The following GFRA1 variants were observed in gnomAD, a reference collection of about 807,000 sequenced individuals.
GFRA1 encodes the protein GDNF family receptor alpha-1.
In GFRA1, 16 loss-of-function variants were observed where a neutral mutation model predicts 51.6. The ratio of observed to expected loss-of-function variants is 0.31; its 90% confidence interval spans 0.21 to 0.47. The LOEUF (loss-of-function observed/expected upper bound fraction) is 0.47, where lower values mean the gene tolerates loss of function less well. GFRA1 is among the 20% of genes least tolerant of loss of function. GFRA1 has a pLI of 1.00. For synonymous variants in GFRA1, 270 were observed against 241.3 expected, an observed-to-expected ratio of 1.12 and a Z score of -1.10; for missense variants, 530 against 594.3, an observed-to-expected ratio of 0.89 and a Z score of 1.13.
At chr10:116,184,622 T>C (rs924828814) in intron 5 of GFRA1, among the ~76,000 whole-genome samples, 2 of 152,042 alleles carry the variant, frequency 1.3e-5, no homozygotes, top group African/African-American at 2.4e-5. Context: ...GAGGTGGCAC[T>C]ACAGGTGGGC....
At chr10:116,071,583 G>A (rs995225551) in intron 9 of GFRA1, among the ~76,000 whole-genome samples, 1 of 152,182 alleles carries the variant, frequency 6.6e-6, no homozygotes, top group African/African-American at 2.4e-5. Flanking sequence ...CCTTGAAGCT[G>A]ACAGACAGGC....
intron 6 of GFRA1, among the ~76,000 whole-genome samples, chr10:116,114,708 A>G (rs1461154326): frequency 6.6e-6 from 1 of 152,142 alleles, no homozygotes; most frequent in Non-Finnish European, 1.5e-5. Context: ...CACAAGTTCT[A>G]CTTCAAAGAT....
chr10:116,251,413 G>C (rs112259741), intron 4 of GFRA1, among the ~76,000 whole-genome samples: 11 of 152,144 alleles, frequency 7.2e-5, no homozygotes, highest in Non-Finnish European at 1.3e-4. Context: ...CGTAAGAGTG[G>C]GGGTGGATGT....
At chr10:116,240,458 A>G (rs1967265757) in intron 4 of GFRA1, among the ~76,000 whole-genome samples, 1 of 152,204 alleles carries the variant, frequency 6.6e-6, no homozygotes, top group African/African-American at 2.4e-5. Flanking sequence ...CACATTCGCA[A>G]AGAAGTATTT....
chr10:116,104,877 T>C (rs1039633998), intron 6 of GFRA1, among the ~76,000 whole-genome samples: 1 of 152,192 alleles, frequency 6.6e-6, no homozygotes, highest in African/African-American at 2.4e-5. Context: ...AGATCAGATG[T>C]CCCTGAACTG....
chr10:116,096,879 A>G (rs905085430), intron 6 of GFRA1, 115 bp from the exon 7 acceptor site: 14 of 215,752 alleles, frequency 6.5e-5, no homozygotes, highest in Non-Finnish European at 1.3e-4. Context: ...GCACACGCAC[A>G]CGCACACACA....
At chr10:116,119,341 G>A (rs1204784455) in intron 6 of GFRA1, among the ~76,000 whole-genome samples, 1 of 152,038 alleles carries the variant, frequency 6.6e-6, no homozygotes, top group Non-Finnish European at 1.5e-5. Flanking sequence ...GTGCAGGTGG[G>A]GCATATTAAA....
chr10:116,089,799 G>A lies in GFRA1; in HGVS notation c.1139C>T (p.Pro380Leu). 1 of 1,614,164 alleles carries A rather than the reference G, an allele frequency of 6.2e-7. No homozygotes were observed. Among genetic ancestry groups the A allele is most frequent in the Non-Finnish European group, 8.5e-7 (1 of 1,180,004 alleles). Residue 380 changes from proline (P) to leucine (L), a missense_variant, in exon 9 of 11, where the codon CCA (proline) becomes CTA (leucine). By Grantham distance (98) the Pro-to-Leu change is moderately conservative. Coordinates refer to ENST00000355422, the MANE Select transcript of GFRA1 (RefSeq NM_005264.8). ...GGGAATTTCATTCTCAGACCCTGCTGGCCCCAGGGGCTTGTTCTTAACCCG... is the reference window on the plus strand; with the variant it reads ...GGGAATTTCATTCTCAGACCCTGCTAGCCCCAGGGGCTTGTTCTTAACCCG... ...ALRVKNKPLG[P>L]AGSENEIPTH...
intron 5 of GFRA1, among the ~76,000 whole-genome samples, chr10:116,197,282 T>A (rs995830073): frequency 6.6e-6 from 1 of 152,070 alleles, no homozygotes; most frequent in Admixed American, 6.6e-5. Context: ...CCTGCTTTAC[T>A]CCTTCCACCA....
intron 4 of GFRA1, among the ~76,000 whole-genome samples, chr10:116,258,410 T>TGTTA (rs1555173827): frequency 2.7e-5 from 4 of 146,530 alleles, no homozygotes; most frequent in Admixed American, 2.1e-4. Context: ...AAATATATTA[T>TGTTA]ATTAATAAAA....
chr10:116,236,949 TAAGAACTTA>T (rs1366106509), intron 4 of GFRA1, among the ~76,000 whole-genome samples: 1 of 152,244 alleles, frequency 6.6e-6, no homozygotes, highest in African/African-American at 2.4e-5. Context: ...GGCCTTCAAA[TAAGAACTTA>T]AAGTGCATTA....
At chr10:116,078,722 C>T (rs1294158149) in intron 9 of GFRA1, among the ~76,000 whole-genome samples, 2 of 152,050 alleles carry the variant, frequency 1.3e-5, no homozygotes, top group South Asian at 2.1e-4. Context: ...AAAATAACAG[C>T]GGGTGCTAGA....
rs117716848 is a variant in GFRA1, at chr10:116,241,025, C to A, written c.418+28478G>T. ...TCTGCTCCAGACCTTAAGCTCTCAA[C>A]CAATGTACTAAAGTGCATAATAGAT... On this transcript the variant is annotated intron_variant, in intron 4 of 10. Coordinates refer to ENST00000355422, the MANE Select transcript of GFRA1 (RefSeq NM_005264.8). 3.6e-3 allele frequency among the ~76,000 whole-genome samples: 553 copies of A among 152,240 alleles called. 2 individuals are homozygous for A. The highest frequency in any genetic ancestry group is 6.6e-3 in the Non-Finnish European group (447 of 68,024).
intron 5 of GFRA1, among the ~76,000 whole-genome samples, chr10:116,203,033 G>A (rs928924900): frequency 1.3e-5 from 2 of 152,134 alleles, no homozygotes; most frequent in Non-Finnish European, 2.9e-5. Flanking sequence ...GATGAATGGG[G>A]TGCGATGGGG....
At chr10:116,203,905 C>G (rs976833028) in intron 5 of GFRA1, among the ~76,000 whole-genome samples, 1 of 152,218 alleles carries the variant, frequency 6.6e-6, no homozygotes, top group African/African-American at 2.4e-5. Context: ...AGAAACAAGA[C>G]ACTATGCAAT....
At chr10:116,253,746 A>G (rs1968582917) in intron 4 of GFRA1, among the ~76,000 whole-genome samples, 1 of 152,190 alleles carries the variant, frequency 6.6e-6, no homozygotes, top group Non-Finnish European at 1.5e-5. Context: ...GTTCAAATAC[A>G]AAGGGTGCTT....
chr10:116,191,090 C>T (rs1169953289), intron 5 of GFRA1, among the ~76,000 whole-genome samples: 1 of 152,170 alleles, frequency 6.6e-6, no homozygotes, highest in Non-Finnish European at 1.5e-5. Flanking sequence ...TGGATAGCTG[C>T]CATTGCTAAG....
At chr10:116,092,941 G>A (rs1038177661) in intron 8 of GFRA1, among the ~76,000 whole-genome samples, 2 of 152,254 alleles carry the variant, frequency 1.3e-5, no homozygotes, top group African/African-American at 4.8e-5. Flanking sequence ...GTGAGTCCTG[G>A]CACCGTGCTT....
intron 5 of GFRA1, among the ~76,000 whole-genome samples, chr10:116,186,129 A>G (rs1022978295): frequency 4.6e-5 from 7 of 152,176 alleles, no homozygotes; most frequent in African/African-American, 1.7e-4. Context: ...CCCTTAGTGC[A>G]GGGCCCAGAG....
Sources: allele counts gnomAD v4.1 joint callset (sites outside exome capture counted in the v4.1 genomes callset), GRCh38; gene constraint gnomAD v4.1.1; transcripts MANE v1.5; gene names NCBI Gene and HGNC (gene_info 2026-07-23, HGNC 2026-07-21).